The following CREB5 variants were observed in gnomAD, a reference collection of about 807,000 sequenced individuals.
The protein encoded by CREB5 is cAMP responsive element binding protein 5, also known as cyclic AMP-responsive element-binding protein 5.
A neutral mutation model predicts 57.1 loss-of-function variants in CREB5; 19 were observed. That is an observed-to-expected ratio of 0.33 (90% CI 0.23 to 0.49). The LOEUF (loss-of-function observed/expected upper bound fraction) is 0.49, where lower values mean the gene tolerates loss of function less well. CREB5 is among the 20% of genes least tolerant of loss of function. CREB5 has a pLI of 0.99. For synonymous variants in CREB5, 238 were observed against 238.3 expected (o/e 1.00, Z 0.01); for missense variants, 579 against 671.6 (o/e 0.86, Z 1.52).
chr7:28,481,551 G>A (rs1326526116), intron 1 of CREB5, among the ~76,000 whole-genome samples: 1 of 152,036 alleles, frequency 6.6e-6, no homozygotes, highest in Non-Finnish European at 1.5e-5. Context: ...AAACCTTGTA[G>A]CATTCAGGCG....
At chr7:28,607,236 T>C (rs1224344956) in intron 5 of CREB5, among the ~76,000 whole-genome samples, 1 of 152,178 alleles carries the variant, frequency 6.6e-6, no homozygotes, top group African/African-American at 2.4e-5. Flanking sequence ...TTGGCAACCT[T>C]TTAATTAATA....
At chr7:28,379,301 A>G (rs1010260898) in intron 1 of CREB5, among the ~76,000 whole-genome samples, 19 of 152,178 alleles carry the variant, frequency 1.2e-4, no homozygotes, top group African/African-American at 4.3e-4. Context: ...CTACACTCAT[A>G]TGTTCTAACC....
intron 7 of CREB5, among the ~76,000 whole-genome samples, chr7:28,790,599 G>C (rs1807643761): frequency 6.6e-6 from 1 of 152,222 alleles, no homozygotes; most frequent in Non-Finnish European, 1.5e-5. Flanking sequence ...TTCACATTCA[G>C]ATGGGCTTGG....
chr7:28,313,335 A>G (rs1785315055), intron 1 of CREB5, among the ~76,000 whole-genome samples: 1 of 152,122 alleles, frequency 6.6e-6, no homozygotes, highest in South Asian at 2.1e-4. Flanking sequence ...ATGAACCTGA[A>G]ACCTGTTTTC....
chr7:28,626,263 A>AT (rs1365364028), intron 5 of CREB5, among the ~76,000 whole-genome samples: 2 of 152,220 alleles, frequency 1.3e-5, no homozygotes, highest in Non-Finnish European at 2.9e-5. Context: ...GATTGTTAAT[A>AT]TAAAATATTT....
intron 4 of CREB5, among the ~76,000 whole-genome samples, chr7:28,559,934 A>G (rs577013462): frequency 1.3e-5 from 2 of 152,360 alleles, no homozygotes; most frequent in South Asian, 4.1e-4. Flanking sequence ...TGAGTAGAAG[A>G]TAACAGGTGG....
At chr7:28,560,925 C>CGTGTGTGTGCGT (rs1163419011) in intron 4 of CREB5, among the ~76,000 whole-genome samples, 2 of 33,480 alleles carry the variant, frequency 6.0e-5, no homozygotes, top group African/African-American at 3.4e-4. Flanking sequence ...CGTGTGTGCG[C>CGTGTGTGTGCGT]GTGCGTGTGT....
intron 1 of CREB5, among the ~76,000 whole-genome samples, chr7:28,397,910 A>C (rs4722793): frequency 0.44 from 66,284 of 151,888 alleles, 15,295 homozygotes; most frequent in East Asian, 0.58. Flanking sequence ...TAGAACCGGG[A>C]TTCTTTTTTT....
At chr7:28,363,026 A>G (rs2127992454) in intron 1 of CREB5, among the ~76,000 whole-genome samples, 1 of 152,314 alleles carries the variant, frequency 6.6e-6, no homozygotes, top group Non-Finnish European at 1.5e-5. Flanking sequence ...TTTCTAAGTT[A>G]AGATTGTGCT....
intron 5 of CREB5, among the ~76,000 whole-genome samples, chr7:28,680,379 A>G (rs1800529272): frequency 6.6e-6 from 1 of 152,130 alleles, no homozygotes; most frequent in Non-Finnish European, 1.5e-5. Context: ...TCTTGGCTCC[A>G]CTCAACACCA....
chr7:28,446,069 C>T (rs1789451215), intron 1 of CREB5, among the ~76,000 whole-genome samples: 1 of 152,232 alleles, frequency 6.6e-6, no homozygotes, highest in South Asian at 2.1e-4. Flanking sequence ...GTCAACTATA[C>T]CAGACACCAG....
intron 5 of CREB5, among the ~76,000 whole-genome samples, chr7:28,578,539 C>T (rs188712085): frequency 1.3e-5 from 2 of 152,292 alleles, no homozygotes; most frequent in Admixed American, 6.5e-5. Flanking sequence ...AGATTGAACA[C>T]GTCCAAGTAA....
intron 7 of CREB5, among the ~76,000 whole-genome samples, chr7:28,758,549 T>C (rs1467670120): frequency 6.6e-6 from 1 of 152,170 alleles, no homozygotes; most frequent in Admixed American, 6.6e-5. Context: ...CATAGCCCCA[T>C]GTAGACACCA....
chr7:28,446,135 T>A (rs184050329), intron 1 of CREB5, among the ~76,000 whole-genome samples: 1 of 152,272 alleles, frequency 6.6e-6, no homozygotes, highest in African/African-American at 2.4e-5. Flanking sequence ...CCTCCCACTT[T>A]ATTCCCTTCG....
chr7:28,317,189 A>G (rs1785399220), intron 1 of CREB5, among the ~76,000 whole-genome samples: 1 of 152,154 alleles, frequency 6.6e-6, no homozygotes, highest in Non-Finnish European at 1.5e-5. Context: ...TCCCTGTTGC[A>G]TGGTGTAAAC....
In CREB5 at chr7:28,622,259, T is replaced by TCACACA. The variant is rs4000593; in HGVS notation, c.464+51752_464+51757dup. Among the ~76,000 whole-genome samples, 408 of 142,896 alleles carry TCACACA rather than the reference T, an allele frequency of 2.9e-3. 2 individuals carry two copies. Among genetic ancestry groups the TCACACA allele is most frequent in the African/African-American group, 9.7e-3 (377 of 39,036 alleles). 93.7% of individuals were successfully genotyped at this position (142,896 alleles called of 152,430 possible). ...TACACACATTCTCTCTCTCTCTCTC[T>TCACACA]CACACACACACACACACACACACAC... On this transcript the variant is annotated intron_variant, in intron 5 of 10. Coordinates refer to ENST00000357727, the MANE Select transcript of CREB5 (RefSeq NM_182898.4).
intron 5 of CREB5, among the ~76,000 whole-genome samples, chr7:28,591,200 A>G (rs1172705349): frequency 1.3e-5 from 2 of 152,208 alleles, no homozygotes; most frequent in East Asian, 1.9e-4. Context: ...GCCAAAGGGC[A>G]TCATGTTTCC....
chr7:28,311,775 A>G (rs17156562), intron 1 of CREB5, among the ~76,000 whole-genome samples: 653 of 152,298 alleles, frequency 4.3e-3, no homozygotes, highest in African/African-American at 0.014. Flanking sequence ...CTTGTCATTG[A>G]AGACCCTGAC....
chr7:28,675,417 C>A (rs16874651), intron 5 of CREB5, among the ~76,000 whole-genome samples: 1 of 152,118 alleles, frequency 6.6e-6, no homozygotes, highest in Non-Finnish European at 1.5e-5. Flanking sequence ...GAACTTATGA[C>A]TTTGGTTTTC....
Sources: allele counts gnomAD v4.1 joint callset (sites outside exome capture counted in the v4.1 genomes callset), GRCh38; gene constraint gnomAD v4.1.1; transcripts MANE v1.5; gene names NCBI Gene and HGNC (gene_info 2026-07-23, HGNC 2026-07-21).